Variants in CLYBL observed in about 807,000 individuals in gnomAD.
The protein encoded by CLYBL is citramalyl-CoA lyase.
CLYBL carries 31 observed loss-of-function variants against 38.9 expected under a neutral mutation model. The ratio of observed to expected loss-of-function variants is 0.80; its 90% CI spans 0.60 to 1.08. The LOEUF is 1.08. Among genes scored for constraint, CLYBL ranks in the 50% least tolerant of loss-of-function variants. The probability of loss-of-function intolerance (pLI) is 0.00; values close to 1 mark genes in which losing one functional copy is unlikely to be tolerated. For missense variants in CLYBL, 434 were observed against 411.6 expected, an observed-to-expected ratio of 1.05 and a Z score of -0.47; for synonymous variants, 171 against 158.6, an observed-to-expected ratio of 1.08 and a Z score of -0.59.
intron 1 of CLYBL, among the ~76,000 whole-genome samples, chr13:99,716,169 ATTTTTTTT>A (rs4001024): frequency 0.035 from 1,183 of 33,378 alleles, 41 homozygotes; most frequent in African/African-American, 0.067. Context: ...TATTGGTGTA[ATTTTTTTT>A]TTTTTTTTTT....
intron 2 of CLYBL, among the ~76,000 whole-genome samples, chr13:99,830,650 C>T (rs528690142): frequency 6.3e-4 from 96 of 152,160 alleles, no homozygotes; most frequent in Non-Finnish European, 1.1e-3. Context: ...GAGATCTTAC[C>T]AAAGACCTCA....
intron 7 of CLYBL, among the ~76,000 whole-genome samples, chr13:99,889,198 C>T (rs1162108533): frequency 1.3e-5 from 2 of 152,302 alleles, no homozygotes; most frequent in East Asian, 1.9e-4. Context: ...GGATTCTCTG[C>T]GCACCGTTTT....
chr13:99,768,137 AG>A (rs1335735500), intron 1 of CLYBL, among the ~76,000 whole-genome samples: 1 of 150,710 alleles, frequency 6.6e-6, no homozygotes, highest in Non-Finnish European at 1.5e-5. Context: ...GTGTATGCTG[AG>A]GAAAATATAA....
At chr13:99,860,626 A>G (rs2051577256) in intron 3 of CLYBL, among the ~76,000 whole-genome samples, 1 of 152,204 alleles carries the variant, frequency 6.6e-6, no homozygotes, top group South Asian at 2.1e-4. Context: ...TTAACTTAAG[A>G]TGGGGGAGGG....
At chr13:99,895,915 A>T (rs1408290423), downstream of CLYBL, 2 of 151,664 alleles carry the variant, frequency 1.3e-5, no homozygotes, top group East Asian at 2.0e-4. Context: ...AATGATTTTT[A>T]TTTTTTTCCA....
intron 1 of CLYBL, among the ~76,000 whole-genome samples, chr13:99,664,485 A>C (rs766060173): frequency 6.6e-6 from 1 of 152,222 alleles, no homozygotes; most frequent in Non-Finnish European, 1.5e-5. Context: ...TTGCTCTATA[A>C]AAATATTAAA....
intron 1 of CLYBL, among the ~76,000 whole-genome samples, chr13:99,770,546 T>C (rs778348792): frequency 2.0e-5 from 3 of 152,158 alleles, no homozygotes; most frequent in Non-Finnish European, 4.4e-5. Context: ...CTGGATCTCC[T>C]GACCTCATGA....
chr13:99,876,096 G>A (rs1453315309), intron 7 of CLYBL, among the ~76,000 whole-genome samples: 6 of 121,646 alleles, frequency 4.9e-5, no homozygotes, highest in Non-Finnish European at 1.0e-4. Context: ...TTTTTTAGTG[G>A]CAAATGGCTG....
At chr13:99,866,800 T>C (rs1423889552) in intron 6 of CLYBL, among the ~76,000 whole-genome samples, 1 of 152,102 alleles carries the variant, frequency 6.6e-6, no homozygotes, top group Non-Finnish European at 1.5e-5. Context: ...ATTTAATTCA[T>C]TTCTGAAAAA....
chr13:99,887,913 C>T (rs1049976420), intron 7 of CLYBL, among the ~76,000 whole-genome samples: 6 of 151,416 alleles, frequency 4.0e-5, no homozygotes, highest in Admixed American at 2.0e-4. Flanking sequence ...TGGAGTACAG[C>T]GGCATGATCT....
At chr13:99,874,724 T>G (rs1049664987) in intron 7 of CLYBL, among the ~76,000 whole-genome samples, 7 of 152,298 alleles carry the variant, frequency 4.6e-5, no homozygotes, top group Admixed American at 1.3e-4. Flanking sequence ...CAAATCTATA[T>G]TATGAGCTTA....
intron 2 of CLYBL, among the ~76,000 whole-genome samples, chr13:99,774,520 G>T (rs1379924661): frequency 1.3e-5 from 2 of 152,246 alleles, no homozygotes; most frequent in Middle Eastern, 3.4e-3. Context: ...GTGGGGCGGG[G>T]GATGAGGGAG....
At chr13:99,623,907 C>G (rs1275631341) in intron 1 of CLYBL, among the ~76,000 whole-genome samples, 2 of 145,126 alleles carry the variant, frequency 1.4e-5, no homozygotes, top group African/African-American at 5.2e-5. Flanking sequence ...TGCAGTGAGC[C>G]GAGATCGTGC....
intron 1 of CLYBL, among the ~76,000 whole-genome samples, chr13:99,695,087 T>C (rs1463179424): frequency 6.6e-6 from 1 of 152,226 alleles, no homozygotes; most frequent in South Asian, 2.1e-4. Context: ...CTCACTGGGC[T>C]CCAATTATTC....
chr13:99,671,545 C>T (rs897808458), intron 1 of CLYBL, among the ~76,000 whole-genome samples: 2 of 151,970 alleles, frequency 1.3e-5, no homozygotes, highest in African/African-American at 4.8e-5. Flanking sequence ...TTTGGGAGGC[C>T]GAGGTGGGCA....
chr13:99,903,711 C>T (rs1356740381), intron 8 of CLYBL, among the ~76,000 whole-genome samples: 6 of 152,018 alleles, frequency 3.9e-5, no homozygotes, highest in South Asian at 2.1e-4. Context: ...GTTCGCGTCC[C>T]GTATGAAGCA....
intron 1 of CLYBL, among the ~76,000 whole-genome samples, chr13:99,691,473 C>T (rs1038716434): frequency 6.6e-6 from 1 of 151,878 alleles, no homozygotes; most frequent in African/African-American, 2.4e-5. Context: ...CTTCAGGGAA[C>T]GACGTTTAAA....
chr13:99,743,549 A>T (rs1301245179), intron 1 of CLYBL, among the ~76,000 whole-genome samples: 1 of 152,180 alleles, frequency 6.6e-6, no homozygotes, highest in African/African-American at 2.4e-5. Context: ...CAAATGATTA[A>T]AATGTAGGCG....
intron 2 of CLYBL, among the ~76,000 whole-genome samples, chr13:99,843,422 T>C (rs1367094537): frequency 6.6e-6 from 1 of 152,168 alleles, no homozygotes; most frequent in African/African-American, 2.4e-5. Context: ...TTTCACAGTC[T>C]ACAATTGTTT....
Sources: allele counts gnomAD v4.1 joint callset (sites outside exome capture counted in the v4.1 genomes callset), GRCh38; gene constraint gnomAD v4.1.1; transcripts MANE v1.5; gene names NCBI Gene and HGNC (gene_info 2026-07-23, HGNC 2026-07-21).